CDK11A: variants seen among roughly 807,000 people sequenced by gnomAD.
CDK11A encodes the protein cyclin dependent kinase 11A, also known as cyclin-dependent kinase 11A.
A neutral mutation model predicts 83.6 loss-of-function variants in CDK11A; 55 were observed. The ratio of observed to expected loss-of-function variants is 0.66; its 90% CI spans 0.53 to 0.82. The LOEUF (loss-of-function observed/expected upper bound fraction) is 0.82. CDK11A is among the 40% of genes least tolerant of loss of function. The probability of loss-of-function intolerance (pLI) is 0.00; values close to 1 mark genes in which losing one functional copy is unlikely to be tolerated. For missense variants in CDK11A, 564 were observed against 810.1 expected (o/e 0.70, Z 3.69); for synonymous variants, 247 against 302.7 (o/e 0.82, Z 1.91).
In CDK11A at chr1:1,704,765, C is replaced by T. The variant is rs2101157397; in HGVS notation, c.1459-110G>A. The T allele has an allele frequency of 2.5e-6, 4 of 1,598,398 alleles. 1 individual carries two copies. In the South Asian group the frequency reaches 4.5e-5, roughly 18 times the overall value. On this transcript the variant is annotated intron_variant, in intron 13 of 19. Transcript: ENST00000404249. ...AGGACCTCCGGTGCCACCCGGGAGG[C>T]AAATACTTGCTTCTGTGTGGTCTGT... is the stretch of plus-strand genomic sequence containing the variant.
At chr1:1,717,155 T>C (rs1644694535) in intron 4 of CDK11A, among the ~76,000 whole-genome samples, 1 of 150,900 alleles carries the variant, frequency 6.6e-6, no homozygotes, top group South Asian at 2.1e-4. Context: ...GAAAAACAAT[T>C]CTGCTATCAC....
chr1:1,717,088 T>C (rs1430841547), intron 4 of CDK11A, among the ~76,000 whole-genome samples: 2 of 150,120 alleles, frequency 1.3e-5, no homozygotes, highest in Non-Finnish European at 3.0e-5. Flanking sequence ...AATAAAAAAC[T>C]TTGAAAATAG....
rs777510535 is a variant in CDK11A, at chr1:1,704,501, G to C, written c.1564+49C>G. The stretch of plus-strand genomic sequence containing the variant: ...GCACTGTCACCGCGGGGGTGACCAG[G>C]ACACTGCCCCCACTTGTACGCAGAC... On this transcript the variant is annotated intron_variant, in intron 14 of 19. Coordinates refer to ENST00000404249, the MANE Select transcript of CDK11A (RefSeq NM_024011.4). 101 of 1,581,606 alleles carry C rather than the reference G, an allele frequency of 6.4e-5. 1 individual carries two copies. The African/African-American group carries it at 1.3e-3, about 20-fold the overall frequency.
chr1:1,721,125 G>A (rs139939809), intron 3 of CDK11A, among the ~76,000 whole-genome samples: 9,996 of 150,490 alleles, frequency 0.066, 806 homozygotes, highest in Admixed American at 0.13. Flanking sequence ...CCAGGGAGGC[G>A]GAGCTTGCAG....
rs907312974 is a variant in CDK11A, at chr1:1,704,715, C to T, written c.1459-60G>A. 1.0e-4 allele frequency: 164 copies of T among 1,598,732 alleles called. 4 individuals are homozygous for T. The highest frequency in any genetic ancestry group is 9.5e-4 in the Admixed American group (55 of 58,192). ...CCAGGCCCCCACCCACCCCTGCACCCGGGCGCAGATGCTGAGGGACAGTAA... is the reference window on the plus strand; with the variant it reads ...CCAGGCCCCCACCCACCCCTGCACCTGGGCGCAGATGCTGAGGGACAGTAA... On this transcript the variant is annotated intron_variant, in intron 13 of 19. Transcript: ENST00000404249.
intron 11 of CDK11A, among the ~76,000 whole-genome samples, chr1:1,706,676 C>T (rs538950058): frequency 4.1e-4 from 62 of 151,476 alleles, no homozygotes; most frequent in African/African-American, 1.5e-3. Context: ...GGCACCTACC[C>T]CTCGGTGTAC....
rs1302379653 is a variant in CDK11A, at chr1:1,704,042, G to A, written c.1791C>T (p.Ala597=). 1 of 1,596,310 alleles carries A rather than the reference G, an allele frequency of 6.3e-7. No homozygotes were observed. Among genetic ancestry groups the A allele is most frequent in the African/African-American group, 1.3e-5 (1 of 74,374 alleles). ...WYRAPELLLG[A]KEYSTAVDMW... is the part of the protein sequence containing the mutation. The stretch of plus-strand genomic sequence containing the variant: ...CACTCAGACGCCCAGGACTCACCTT[G>A]GCACCAAGCAGCAGCTCTGGGGCGC... Residue 597 remains alanine (A), a synonymous_variant, in exon 16 of 20, where the codon GCC becomes GCT. Coordinates refer to ENST00000404249, the MANE Select transcript of CDK11A (RefSeq NM_024011.4).
At chr1:1,717,832 C>T (rs113021783) in intron 4 of CDK11A, among the ~76,000 whole-genome samples, 7 of 108,538 alleles carry the variant, frequency 6.4e-5, no homozygotes, top group South Asian at 3.1e-4. Flanking sequence ...GCTAGAGTAT[C>T]CTCTCTATAG....
chr1:1,719,149 A>G (rs1282075343), intron 4 of CDK11A, 179 bp downstream of exon 4: 2 of 448,506 alleles, frequency 4.5e-6, no homozygotes, highest in Non-Finnish European at 7.6e-6. Flanking sequence ...TCTGTGACAC[A>G]TGCATGCTTT....
chr1:1,713,558 C>T, intron 5 of CDK11A, among the ~76,000 whole-genome samples: 1 of 106,968 alleles, frequency 9.3e-6, no homozygotes, highest in Non-Finnish European at 2.2e-5. Flanking sequence ...CACCATATGC[C>T]TCATGATACT....
At chr1:1,721,736 C>A (rs903387267) in intron 2 of CDK11A, 25 bp from the exon 3 acceptor site, 1 of 1,528,576 alleles carries the variant, frequency 6.5e-7, no homozygotes, top group African/African-American at 1.4e-5. Context: ...GAAAGTTAAT[C>A]ATTTTCTTTA....
rs944097376 is a variant in CDK11A at position 1,702,571 on chromosome 1, G to A, written c.*336C>T. Among the ~76,000 whole-genome samples the A allele has an allele frequency of 2.5e-5, 3 of 121,610 alleles. No individual in the cohort carries two copies. The highest frequency in any genetic ancestry group is 5.6e-5 in the African/African-American group (2 of 35,716). The allele number at this position is 121,610 out of a possible 152,430, so 79.8% of individuals were successfully genotyped here. ...AACACAGAAACAGGTCTCCAGCTCC[G>A]AAGATTAAACAATCCACCCGGCTCC... On this transcript the variant is annotated 3_prime_UTR_variant, in exon 20 of 20. Transcript: ENST00000404249.
chr1:1,704,539 C>A lies in CDK11A; in HGVS notation c.1564+11G>T. On this transcript the variant is annotated intron_variant, in intron 14 of 19. Transcript: ENST00000404249. ...CTTGTACGCAGACAGGACCCCGGGG[C>A]GCGGCTGTACCTGGCAGGAAGGGCT... The A allele has an allele frequency of 6.2e-7, 1 of 1,603,738 alleles. No homozygotes were observed. The highest frequency in any genetic ancestry group is 8.5e-7 in the Non-Finnish European group (1 of 1,174,260).
intron 4 of CDK11A, among the ~76,000 whole-genome samples, chr1:1,718,026 C>T (rs368525058): frequency 3.4e-4 from 36 of 106,592 alleles, no homozygotes; most frequent in African/African-American, 9.1e-4. Flanking sequence ...CTGTGACACA[C>T]GCATGCTTTT....
In CDK11A at chr1:1,719,442, C is replaced by T. The variant is rs1354369436; in HGVS notation, c.241G>A (p.Asp81Asn). ...DSMEDRGEEDDSLAIKPPQQM... is the reference protein window; with the variant it reads ...DSMEDRGEEDNSLAIKPPQQM... Reference sequence around the variant, plus strand: ...TGGGGTGGTTTGATGGCCAAAGAATCATCTTCTTCTCCTCTGAAATAAAAC... The same window carrying T: ...TGGGGTGGTTTGATGGCCAAAGAATTATCTTCTTCTCCTCTGAAATAAAAC... Residue 81 changes from aspartate to asparagine, a missense_variant, in exon 4 of 20, where the codon GAT becomes AAT. By Grantham distance (23) the Asp-to-Asn change is conservative. This residue lies in a region of CDK11A where 151 missense variants were observed against 147.4 expected (regional missense o/e 1.02). Coordinates refer to ENST00000404249, the MANE Select transcript of CDK11A (RefSeq NM_024011.4). 2 of 1,508,880 alleles carry T rather than the reference C, an allele frequency of 1.3e-6. 1 individual carries two copies. The highest frequency in any genetic ancestry group is 1.8e-6 in the Non-Finnish European group (2 of 1,131,844). 93.5% of individuals were successfully genotyped at this position (1,508,880 alleles called of 1,614,324 possible).
At chr1:1,721,556 T>A in intron 3 of CDK11A, 40 bp downstream of exon 3, 1 of 1,589,854 alleles carries the variant, frequency 6.3e-7, no homozygotes, top group African/African-American at 1.3e-5. Context: ...AGGCCAGGGC[T>A]GTGTACAGTT....
chr1:1,724,320 G>A lies in CDK11A; in HGVS notation c.-76C>T, dbSNP rs886524520. 4 of 151,672 alleles carry A rather than the reference G, an allele frequency of 2.6e-5. No homozygotes were observed. Among genetic ancestry groups the A allele is most frequent in the Non-Finnish European group, 4.4e-5 (3 of 67,874 alleles). 9.4% of individuals were successfully genotyped at this position (151,672 alleles called of 1,614,324 possible). A position where few individuals can be genotyped will look rare whatever the true frequency, so the allele number is the denominator to read the frequency against. Reference sequence around the variant, plus strand: ...AAACAGCAACCGGCGCTCGCCAGAAGTATCCTCACTTCCTGTGTTGACGCC... The same window carrying A: ...AAACAGCAACCGGCGCTCGCCAGAAATATCCTCACTTCCTGTGTTGACGCC... On this transcript the variant is annotated 5_prime_UTR_variant, in exon 1 of 20. Transcript: ENST00000404249.
chr1:1,708,564 C>G (rs1448094187), intron 9 of CDK11A, among the ~76,000 whole-genome samples: 2 of 128,290 alleles, frequency 1.6e-5, no homozygotes, highest in East Asian at 2.1e-4. Flanking sequence ...TCACTTGAAC[C>G]CGGGAGGCAG....
At chr1:1,717,604 C>T (rs201487059) in intron 4 of CDK11A, among the ~76,000 whole-genome samples, 12 of 127,994 alleles carry the variant, frequency 9.4e-5, no homozygotes, top group Non-Finnish European at 8.8e-5. Context: ...GACACACGCA[C>T]GCTTTCAGCT....
Sources: allele counts gnomAD v4.1 joint callset (sites outside exome capture counted in the v4.1 genomes callset), GRCh38; gene constraint gnomAD v4.1.1; regional missense constraint gnomAD v4.1.1; transcripts MANE v1.5; gene names NCBI Gene and HGNC (gene_info 2026-07-23, HGNC 2026-07-21).